Variants in UPF2 observed in about 807,000 individuals in gnomAD.
UPF2 encodes UPF2 regulator of nonsense mediated mRNA decay, also known as regulator of nonsense transcripts 2.
A neutral mutation model predicts 141.4 loss-of-function variants in UPF2; 17 were observed. That is an observed-to-expected ratio of 0.12 (90% CI 0.08 to 0.18). The LOEUF (loss-of-function observed/expected upper bound fraction) is 0.18, where lower values mean the gene tolerates loss of function less well. UPF2 is among the 10% of genes least tolerant of loss of function. UPF2 has a pLI of 1.00. For missense variants in UPF2, 1,152 were observed against 1,515.9 expected (o/e 0.76, Z 3.99); for synonymous variants, 540 against 498.0 (o/e 1.08, Z -1.12).
chr10:11,956,993 A>G lies in UPF2; in HGVS notation c.2371-470T>C, dbSNP rs141554597. On this transcript the variant is annotated intron_variant, in intron 12 of 21. Coordinates refer to ENST00000357604, the MANE Select transcript of UPF2 (RefSeq NM_015542.4). The surrounding 1 kb of genome is among the most constrained non-coding windows in gnomAD (Gnocchi z 4.2). Reference sequence around the variant, plus strand: ...GCAATAGCATGCCTGGCTAATTTTTATATTTTTTGTAGAGGCGAGATCTTC... The same window carrying G: ...GCAATAGCATGCCTGGCTAATTTTTGTATTTTTTGTAGAGGCGAGATCTTC... Among the ~76,000 whole-genome samples the G allele has an allele frequency of 2.0e-5, 3 of 152,160 alleles. No individual in the cohort carries two copies. Among genetic ancestry groups the G allele is most frequent in the African/African-American group, 7.2e-5 (3 of 41,548 alleles).
intron 2 of UPF2, among the ~76,000 whole-genome samples, chr10:12,034,621 C>T (rs539942343): frequency 2.0e-5 from 3 of 152,290 alleles, no homozygotes; most frequent in South Asian, 4.1e-4. Context: ...GCCTGGCCAA[C>T]ATGGTGAAAC....
chr10:11,961,216 G>C (rs1833235715), intron 11 of UPF2, among the ~76,000 whole-genome samples: 1 of 151,978 alleles, frequency 6.6e-6, no homozygotes, highest in Non-Finnish European at 1.5e-5. Flanking sequence ...TCTTGTGTCA[G>C]AAGACAGAAT....
Position 12,001,528 on chromosome 10 carries a change from A to G in UPF2, c.1654+148T>C, listed in dbSNP as rs1588562290. 2.1e-5 allele frequency: 16 copies of G among 749,534 alleles called. No individual in the cohort carries two copies. In the East Asian group the frequency reaches 4.7e-4, roughly 22 times the overall value. 46.4% of individuals were successfully genotyped at this position (749,534 alleles called of 1,614,324 possible). On this transcript the variant is annotated intron_variant, in intron 6 of 21. Transcript: ENST00000357604. ...GGTATGTAGTGTCCTGTTATAAATC[A>G]AATTCTGAAAACAGTGATGGACTGA...
chr10:12,004,674 A>G lies in UPF2; in HGVS notation c.1360T>C (p.Leu454=). 1.2e-6 allele frequency: 2 copies of G among 1,613,866 alleles called. No homozygotes were observed. Among genetic ancestry groups the G allele is most frequent in the Non-Finnish European group, 1.7e-6 (2 of 1,179,896 alleles). The change falls in exon 5 of 22, where the codon TTG becomes CTG. Residue 454 remains leucine, a synonymous_variant. Coordinates refer to ENST00000357604, the MANE Select transcript of UPF2 (RefSeq NM_015542.4). ...FTPGKPGEYD[L]EGGIWEDEDA... is the part of the protein sequence containing the mutation. ...TCATCTTCCCATATACCACCTTCCA[A>G]GTCATATTCTCCAGGTTTACCAGGT...
intron 4 of UPF2, among the ~76,000 whole-genome samples, chr10:12,012,346 G>A (rs911841711): frequency 2.0e-5 from 3 of 152,082 alleles, no homozygotes; most frequent in Non-Finnish European, 4.4e-5. Flanking sequence ...AGAGGCGTGA[G>A]CCACCGCACC....
intron 16 of UPF2, among the ~76,000 whole-genome samples, chr10:11,943,916 C>A (rs1832967791): frequency 6.7e-6 from 1 of 150,094 alleles, no homozygotes; most frequent in African/African-American, 2.5e-5. Flanking sequence ...TCAAAGGGCA[C>A]AAAGCACAGA....
At chr10:11,950,999 T>C (rs1055414901) in intron 15 of UPF2, among the ~76,000 whole-genome samples, 10 of 152,234 alleles carry the variant, frequency 6.6e-5, no homozygotes, top group African/African-American at 2.2e-4. Context: ...GACATGAATG[T>C]ACCAAGTTCT....
chr10:11,925,582 C>G (rs1832701961), intron 21 of UPF2, among the ~76,000 whole-genome samples: 1 of 152,242 alleles, frequency 6.6e-6, no homozygotes. Context: ...CGCCTGTAAT[C>G]TCATGGGGAA....
chr10:11,975,666 G>T (rs868813022), intron 9 of UPF2, among the ~76,000 whole-genome samples: 2 of 151,082 alleles, frequency 1.3e-5, no homozygotes, highest in Non-Finnish European at 2.9e-5. Context: ...GTGCCACCAC[G>T]CCCGGCTAAT....
rs1007486947 is a variant in UPF2, at chr10:11,998,563, C to T, written c.1759-806G>A. 1.8e-4 allele frequency among the ~76,000 whole-genome samples: 28 copies of T among 152,002 alleles called. No homozygotes were observed. The highest frequency in any genetic ancestry group is 3.1e-4 in the Non-Finnish European group (21 of 67,984). ...GTTAAGGTTGAAACATAATAAAAATCGCTCCTTGGATGGGCACGGTGGCTC... is the reference window on the plus strand; with the variant it reads ...GTTAAGGTTGAAACATAATAAAAATTGCTCCTTGGATGGGCACGGTGGCTC... On this transcript the variant is annotated intron_variant, in intron 7 of 21. Coordinates refer to ENST00000357604, the MANE Select transcript of UPF2 (RefSeq NM_015542.4). This position sits in a 1 kb window ranked among gnomAD's most constrained non-coding sequence, Gnocchi z 4.5.
At chr10:12,008,090 C>T (rs902793021) in intron 4 of UPF2, among the ~76,000 whole-genome samples, 5 of 151,764 alleles carry the variant, frequency 3.3e-5, no homozygotes, top group Admixed American at 2.0e-4. Context: ...ACCATGTTGG[C>T]CAGGCTGGTC....
chr10:12,004,681 T>C lies in UPF2; in HGVS notation c.1353A>G (p.Glu451=), dbSNP rs766140784. 1.2e-6 allele frequency: 2 copies of C among 1,613,880 alleles called. No homozygotes were observed. The highest frequency in any genetic ancestry group is 2.2e-5 in the South Asian group (2 of 91,070). ...CCCATATACCACCTTCCAAGTCATA[T>C]TCTCCAGGTTTACCAGGTGTGAATA... is the stretch of plus-strand genomic sequence containing the variant. ...IDIFTPGKPG[E]YDLEGGIWED... is the part of the protein sequence containing the mutation. The change falls in exon 5 of 22, where the codon GAA becomes GAG. Residue 451 remains glutamate, a synonymous_variant. Transcript: ENST00000357604.
At chr10:12,027,596 C>T (rs1376879708) in intron 3 of UPF2, among the ~76,000 whole-genome samples, 4 of 152,178 alleles carry the variant, frequency 2.6e-5, no homozygotes, top group African/African-American at 7.2e-5. Context: ...AACCAGTCCT[C>T]GCAAATCAAA....
chr10:12,034,580 CG>C lies in UPF2; in HGVS notation c.365+478del, dbSNP rs555402289. Among the ~76,000 whole-genome samples the C allele has an allele frequency of 1.8e-3, 269 of 152,106 alleles. 1 individual carries two copies. The highest frequency in any genetic ancestry group is 5.8e-3 in the African/African-American group (242 of 41,520). On this transcript the variant is annotated intron_variant, in intron 2 of 21. Transcript: ENST00000357604. The stretch of plus-strand genomic sequence containing the variant: ...AGCACTTTGGGGAGGCTGAGGCGGG[CG>C]GATCACCTGAGGTCAGGAGCTCAAG...
chr10:11,939,369 G>A lies in UPF2; in HGVS notation c.3379-2657C>T, dbSNP rs1832907847. Among the ~76,000 whole-genome samples the A allele has an allele frequency of 6.6e-6, 1 of 151,906 alleles. No homozygotes were observed. The highest frequency in any genetic ancestry group is 1.5e-5 in the Non-Finnish European group (1 of 67,940). On this transcript the variant is annotated intron_variant, in intron 18 of 21. Transcript: ENST00000357604. This position sits in a 1 kb window ranked among gnomAD's most constrained non-coding sequence, Gnocchi z 4.8. ...AAAACAGAACGTCAACTTTATTTTT[G>A]TTTATTGTCTGTTTTCCCTTAACTG...
intron 8 of UPF2, among the ~76,000 whole-genome samples, chr10:11,983,720 G>A (rs1833639287): frequency 6.6e-6 from 1 of 151,948 alleles, no homozygotes; most frequent in Admixed American, 6.6e-5. Flanking sequence ...ATTTGCTAGT[G>A]TTTTACTTGG....
intron 4 of UPF2, among the ~76,000 whole-genome samples, chr10:12,007,834 GTAA>G (rs140872031): frequency 0.013 from 1,780 of 134,534 alleles, 16 homozygotes; most frequent in East Asian, 0.022. Context: ...CCGTCTCAAA[GTAA>G]TAATAATAAT....
Position 11,931,292 on chromosome 10 carries a change from T to C in UPF2, c.3688+349A>G, listed in dbSNP as rs141139476. ...TATGATGTTTGCACAATGATGAAAT[T>C]GCCTAATGTCACATTTTTTAGAATG... is the stretch of plus-strand genomic sequence containing the variant. On this transcript the variant is annotated intron_variant, in intron 20 of 21. Transcript: ENST00000357604. The surrounding 1 kb of genome is among the most constrained non-coding windows in gnomAD (Gnocchi z 5.9). Among the ~76,000 whole-genome samples, 243 of 152,342 alleles carry C rather than the reference T, an allele frequency of 1.6e-3. 1 individual carries two copies. The highest frequency in any genetic ancestry group is 5.4e-3 in the African/African-American group (225 of 41,578).
In UPF2 at chr10:11,979,994, T is replaced by C. The variant is rs1172395624; in HGVS notation, c.1845-829A>G. On this transcript the variant is annotated intron_variant, in intron 8 of 21. Transcript: ENST00000357604. The surrounding 1 kb of genome is among the most constrained non-coding windows in gnomAD (Gnocchi z 6.2). ...ATTACAAAATCTAAATACTAATTTA[T>C]GTATTTCAACTCATTACAGAACCCA... 6.6e-6 allele frequency among the ~76,000 whole-genome samples: 1 copy of C among 152,218 alleles called. No homozygotes were observed. The highest frequency in any genetic ancestry group is 2.4e-5 in the African/African-American group (1 of 41,460).
Sources: gnomAD v4.1 joint callset for allele counts (sites outside exome capture counted in the v4.1 genomes callset) on GRCh38, gnomAD v4.1.1 for gene constraint, Gnocchi (gnomAD v3.1) non-coding constraint, MANE v1.5 for transcripts, NCBI Gene and HGNC (gene_info 2026-07-23, HGNC 2026-07-21) for gene names.